The following KCNH8 variants were observed in gnomAD, a reference collection of about 807,000 sequenced individuals.
KCNH8 encodes potassium voltage-gated channel subfamily H member 8, also known as voltage-gated delayed rectifier potassium channel KCNH8.
In KCNH8, 70 loss-of-function variants were observed where a neutral mutation model predicts 103.6. The observed-to-expected ratio is 0.68, with a 90% confidence interval of 0.56 to 0.82. The LOEUF (loss-of-function observed/expected upper bound fraction) is 0.82, where lower values mean the gene tolerates loss of function less well. Ranked by LOEUF, KCNH8 falls within the 40% of genes least tolerant of loss-of-function variation. KCNH8 has a pLI of 0.00. For synonymous variants in KCNH8, 498 were observed against 489.4 expected, an observed-to-expected ratio of 1.02 and a Z score of -0.23; for missense variants, 1,217 against 1,329.9, an observed-to-expected ratio of 0.92 and a Z score of 1.32.
At chr3:19,160,724 A>AT (rs2063225655) in intron 1 of KCNH8, among the ~76,000 whole-genome samples, 1 of 152,106 alleles carries the variant, frequency 6.6e-6, no homozygotes, top group South Asian at 2.1e-4. Context: ...TAGTGTGATG[A>AT]TATCTCACGC....
chr3:19,371,291 T>C (rs2125116276), intron 5 of KCNH8, among the ~76,000 whole-genome samples: 1 of 151,648 alleles, frequency 6.6e-6, no homozygotes, highest in East Asian at 1.9e-4. Flanking sequence ...GACTTTTTAA[T>C]GATTGCCATT....
intron 1 of KCNH8, among the ~76,000 whole-genome samples, chr3:19,235,625 A>G (rs977497661): frequency 2.0e-5 from 3 of 152,212 alleles, no homozygotes; most frequent in African/African-American, 4.8e-5. Context: ...AAGAATAACG[A>G]TATAACAATG....
At chr3:19,242,747 C>T (rs2064158306) in intron 1 of KCNH8, among the ~76,000 whole-genome samples, 1 of 152,116 alleles carries the variant, frequency 6.6e-6, no homozygotes, top group Non-Finnish European at 1.5e-5. Flanking sequence ...AGGTCCTATA[C>T]CTTGGAGGTT....
chr3:19,491,713 A>G (rs1380569106), intron 11 of KCNH8, among the ~76,000 whole-genome samples: 1 of 152,148 alleles, frequency 6.6e-6, no homozygotes. Flanking sequence ...CCAGTAATGG[A>G]ATTGCTGGGT....
At chr3:19,455,552 G>T (rs1235758591) in intron 10 of KCNH8, among the ~76,000 whole-genome samples, 2 of 152,016 alleles carry the variant, frequency 1.3e-5, no homozygotes, top group African/African-American at 4.8e-5. Flanking sequence ...CCTAAATCTA[G>T]ACAGTAAGAA....
At position 19,513,335 on chromosome 3, in the gene KCNH8, C is replaced by T. The variant is rs371843151; in HGVS notation, c.2435+10C>T. 33 of 1,571,456 alleles carry T rather than the reference C, an allele frequency of 2.1e-5. No homozygotes were observed. In the East Asian group the frequency reaches 5.4e-4, roughly 26 times the overall value. On this transcript the variant is annotated intron_variant, in intron 13 of 15. Transcript: ENST00000328405. ...CAGACCTCAGTCCAAGGTAAGAGTT[C>T]ATATCATATAACTTTCTCACGTGAA... is the stretch of plus-strand genomic sequence containing the variant.
At chr3:19,367,428 T>C (rs191536772) in intron 5 of KCNH8, among the ~76,000 whole-genome samples, 1 of 146,482 alleles carries the variant, frequency 6.8e-6, no homozygotes, top group Non-Finnish European at 1.5e-5. Context: ...CAGAAATATA[T>C]ATATCATAAT....
intron 11 of KCNH8, among the ~76,000 whole-genome samples, chr3:19,466,764 C>T (rs1170954239): frequency 2.9e-5 from 4 of 139,632 alleles, no homozygotes; most frequent in Admixed American, 1.6e-4. Flanking sequence ...CTGGTTCAAG[C>T]GATTCTCCTG....
chr3:19,438,152 C>T lies in KCNH8; in HGVS notation c.1178-12C>T. 1 of 1,610,128 alleles carries T rather than the reference C, an allele frequency of 6.2e-7. No homozygotes were observed. The highest frequency in any genetic ancestry group is 2.2e-5 in the East Asian group (1 of 44,854). ...TTTTCTTCTCTCATTTGCTTTATTT[C>T]CTCCTTTGCAGGTTGGCTTCATGAG... On this transcript the variant is annotated splice_polypyrimidine_tract_variant and intron_variant, in intron 7 of 15. Transcript: ENST00000328405.
intron 2 of KCNH8, among the ~76,000 whole-genome samples, chr3:19,272,614 G>T (rs575658157): frequency 6.6e-6 from 1 of 152,058 alleles, no homozygotes; most frequent in Non-Finnish European, 1.5e-5. Flanking sequence ...CATCAAAACT[G>T]CATCATGGTC....
chr3:19,383,376 G>A (rs181799524), intron 5 of KCNH8, among the ~76,000 whole-genome samples: 113 of 151,314 alleles, frequency 7.5e-4, no homozygotes, highest in African/African-American at 2.3e-3. Context: ...CTCAGTGTTC[G>A]TTAATTTTTT....
intron 5 of KCNH8, among the ~76,000 whole-genome samples, chr3:19,385,947 T>C (rs976013504): frequency 3.3e-5 from 5 of 152,230 alleles, no homozygotes; most frequent in Admixed American, 6.5e-5. Flanking sequence ...ATGCACACTA[T>C]TGTATTTTAA....
rs1269574675 is a variant in KCNH8, at chr3:19,535,443, C to A, written c.*1344C>A. ...TCCATAATGCTCCCTACATCTCACA[C>A]TAACAGGCAAATTCAGATGCTGGGA... is the stretch of plus-strand genomic sequence containing the variant. On this transcript the variant is annotated 3_prime_UTR_variant, in exon 16 of 16. Transcript: ENST00000328405. 5 of 152,224 alleles carry A rather than the reference C, an allele frequency of 3.3e-5. No individual in the cohort carries two copies. The highest frequency in any genetic ancestry group is 6.5e-5 in the Admixed American group (1 of 15,284). The allele number at this position is 152,224 out of a possible 1,614,324, so 9.4% of individuals were successfully genotyped here. A position where few individuals can be genotyped will look rare whatever the true frequency, so the allele number is the denominator to read the frequency against.
chr3:19,239,438 C>G (rs1460354360), intron 1 of KCNH8, among the ~76,000 whole-genome samples: 2 of 152,112 alleles, frequency 1.3e-5, no homozygotes, highest in African/African-American at 2.4e-5. Context: ...ATCTTTTAAC[C>G]TAGATACTTT....
intron 15 of KCNH8, among the ~76,000 whole-genome samples, chr3:19,532,014 ATG>A (rs1553609597): frequency 2.0e-5 from 3 of 152,212 alleles, no homozygotes; most frequent in African/African-American, 7.2e-5. Flanking sequence ...TAGAAAATAC[ATG>A]TGTGTGTCCT....
At position 19,497,862 on chromosome 3, in the gene KCNH8, T is replaced by C. The variant is rs117451982; in HGVS notation, c.2041-12501T>C. Among the ~76,000 whole-genome samples the C allele has an allele frequency of 2.7e-3, 414 of 152,298 alleles. 12 individuals are homozygous for C. The East Asian group carries it at 0.064, about 24-fold the overall frequency. ...GTATTGAAGTCTCCCACTACTATTA[T>C]GTGGGAATCAAAGTCTCTGTGTAGG... On this transcript the variant is annotated intron_variant, in intron 11 of 15. Coordinates refer to ENST00000328405, the MANE Select transcript of KCNH8 (RefSeq NM_144633.3).
At chr3:19,425,937 T>G (rs1261425119) in intron 7 of KCNH8, among the ~76,000 whole-genome samples, 1 of 152,098 alleles carries the variant, frequency 6.6e-6, no homozygotes, top group Non-Finnish European at 1.5e-5. Flanking sequence ...GTAATATTAC[T>G]TAAGAGAATA....
intron 11 of KCNH8, among the ~76,000 whole-genome samples, chr3:19,478,239 A>G (rs2068016871): frequency 6.6e-6 from 1 of 151,954 alleles, no homozygotes; most frequent in South Asian, 2.1e-4. Context: ...GTGCTGCAAT[A>G]AACTTATGAA....
At chr3:19,444,296 A>G (rs2067329878) in intron 8 of KCNH8, among the ~76,000 whole-genome samples, 1 of 152,038 alleles carries the variant, frequency 6.6e-6, no homozygotes, top group South Asian at 2.1e-4. Context: ...GGCCAAATGT[A>G]TATCTACCTG....
Sources: allele counts gnomAD v4.1 joint callset (sites outside exome capture counted in the v4.1 genomes callset), GRCh38; gene constraint gnomAD v4.1.1; transcripts MANE v1.5; gene names NCBI Gene and HGNC (gene_info 2026-07-23, HGNC 2026-07-21).